The following FASTKD1 variants were observed in gnomAD, a reference collection of about 807,000 sequenced individuals.
The protein encoded by FASTKD1 is FAST kinase domains 1.
FASTKD1 carries 94 observed loss-of-function variants against 90.9 expected under a neutral mutation model. The ratio of observed to expected loss-of-function variants is 1.03; its 90% confidence interval spans 0.88 to 1.23. The LOEUF is 1.23. Among genes scored for constraint, FASTKD1 ranks in the 50% most tolerant of loss-of-function variants. The pLI is 0.00. For missense variants in FASTKD1, 945 were observed against 993.5 expected (o/e 0.95, Z 0.66); for synonymous variants, 319 against 345.8 (o/e 0.92, Z 0.86).
At chr2:169,537,377 T>G (rs749623928) in intron 11 of FASTKD1, 37 bp from the exon 12 acceptor site, 25 of 1,357,324 alleles carry the variant, frequency 1.8e-5, no homozygotes, top group Non-Finnish European at 2.2e-5. Flanking sequence ...TACTTAATCT[T>G]TTTTTTCTTT....
At chr2:169,543,627 T>A (rs1262427500) in intron 9 of FASTKD1, among the ~76,000 whole-genome samples, 1 of 152,140 alleles carries the variant, frequency 6.6e-6, no homozygotes, top group Non-Finnish European at 1.5e-5. Context: ...AGCTGACAAC[T>A]GGAAGGTTCA....
chr2:169,540,305 T>C, intron 9 of FASTKD1, 126 bp from the exon 10 acceptor site: 1 of 953,948 alleles, frequency 1.0e-6, no homozygotes. Context: ...TAATCTACAC[T>C]GTTACAAGAC....
At chr2:169,556,109 T>C (rs1683293872) in intron 6 of FASTKD1, among the ~76,000 whole-genome samples, 1 of 152,148 alleles carries the variant, frequency 6.6e-6, no homozygotes, top group Non-Finnish European at 1.5e-5. Flanking sequence ...AAGGTTATGA[T>C]GCTCTGCTTG....
chr2:169,533,273 T>C (rs980462246), intron 12 of FASTKD1, among the ~76,000 whole-genome samples: 5 of 152,242 alleles, frequency 3.3e-5, no homozygotes, highest in African/African-American at 1.2e-4. Flanking sequence ...CATTCTTATC[T>C]TTTAAATATA....
chr2:169,558,253 C>T (rs1008611366), intron 5 of FASTKD1, among the ~76,000 whole-genome samples: 1 of 152,036 alleles, frequency 6.6e-6, no homozygotes, highest in Non-Finnish European at 1.5e-5. Context: ...AAAGTTTGTT[C>T]GTGTGTGTGT....
At chr2:169,537,987 C>T in intron 11 of FASTKD1, 26 bp downstream of exon 11, 1 of 1,574,490 alleles carries the variant, frequency 6.4e-7, no homozygotes, top group Non-Finnish European at 8.6e-7. Context: ...TCAAACTTTG[C>T]TATCTGACTA....
intron 6 of FASTKD1, among the ~76,000 whole-genome samples, chr2:169,555,728 C>T (rs1270133824): frequency 6.6e-6 from 1 of 152,114 alleles, no homozygotes; most frequent in Non-Finnish European, 1.5e-5. Flanking sequence ...AATAAAGGAA[C>T]ATATAATAGG....
At chr2:169,570,414 T>C (rs1023331802) in intron 2 of FASTKD1, among the ~76,000 whole-genome samples, 59 of 152,174 alleles carry the variant, frequency 3.9e-4, no homozygotes, top group African/African-American at 1.4e-3. Context: ...CTCTGAGTTT[T>C]TCCACTGACA....
intron 7 of FASTKD1, among the ~76,000 whole-genome samples, chr2:169,547,756 G>A (rs1411987502): frequency 6.6e-6 from 1 of 151,512 alleles, no homozygotes; most frequent in East Asian, 1.9e-4. Flanking sequence ...ATGGTGATGT[G>A]CACCTGTAAT....
chr2:169,563,032 A>T (rs1316469009), intron 4 of FASTKD1, among the ~76,000 whole-genome samples, 193 bp downstream of exon 4: 2 of 152,196 alleles, frequency 1.3e-5, no homozygotes, highest in Non-Finnish European at 1.5e-5. Context: ...CACTTTATGT[A>T]CCTTATGTCT....
intron 9 of FASTKD1, among the ~76,000 whole-genome samples, chr2:169,543,558 G>A (rs1030738304): frequency 2.6e-5 from 4 of 152,142 alleles, no homozygotes; most frequent in African/African-American, 4.8e-5. Context: ...TTTGGTACTG[G>A]TAATGATACC....
chr2:169,530,503 T>C, intron 14 of FASTKD1, 84 bp downstream of exon 14: 3 of 743,032 alleles, frequency 4.0e-6, no homozygotes, highest in South Asian at 2.0e-5. Context: ...AAGGTAATTC[T>C]GGAACTTTCA....
intron 4 of FASTKD1, 99 bp downstream of exon 4, chr2:169,563,126 C>A (rs1260409735): frequency 1.7e-6 from 2 of 1,189,472 alleles, no homozygotes; most frequent in Non-Finnish European, 2.4e-6. Flanking sequence ...GCTTAAGTAA[C>A]CTTAAGTCAC....
At chr2:169,558,698 G>A (rs944630258) in intron 5 of FASTKD1, among the ~76,000 whole-genome samples, 3 of 151,926 alleles carry the variant, frequency 2.0e-5, no homozygotes, top group Admixed American at 6.6e-5. Context: ...TGATCCAACC[G>A]CCTCAGCCTC....
chr2:169,563,289 T>A lies in FASTKD1; in HGVS notation c.508A>T (p.Ser170Cys). ...SCLADQHLYF[S>C]PLMGKIADIV... ...TCAGCTATTTTTCCCATTAATGGAC[T>A]AAAATACAAATGCTGATCTGCTAGG... Residue 170 changes from serine (S) to cysteine (C), a missense_variant, in exon 4 of 15, where the codon AGT (serine) becomes TGT (cysteine). By Grantham distance (112) the Ser-to-Cys change is moderately radical. Transcript: ENST00000453153. The A allele has an allele frequency of 1.9e-6, 3 of 1,611,772 alleles. No homozygotes were observed. The highest frequency in any genetic ancestry group is 2.7e-5 in the African/African-American group (2 of 74,986).
intron 2 of FASTKD1, among the ~76,000 whole-genome samples, chr2:169,570,634 A>G (rs1352194790): frequency 1.3e-5 from 2 of 151,910 alleles, no homozygotes; most frequent in Admixed American, 1.3e-4. Context: ...ACAAGTTATC[A>G]CAGACAAAAT....
chr2:169,545,297 A>G (rs1176692281), intron 8 of FASTKD1, among the ~76,000 whole-genome samples: 3 of 152,246 alleles, frequency 2.0e-5, no homozygotes, highest in African/African-American at 7.2e-5. Context: ...CAGTATCAGC[A>G]ATTTCCATGA....
Position 169,572,185 on chromosome 2 carries a change from G to A in FASTKD1, c.-142-14C>T. 5 of 720,348 alleles carry A rather than the reference G, an allele frequency of 6.9e-6. No homozygotes were observed. Among genetic ancestry groups the A allele is most frequent in the Non-Finnish European group, 8.3e-6 (4 of 484,490 alleles). The allele number at this position is 720,348 out of a possible 1,614,324, so 44.6% of individuals were successfully genotyped here. On this transcript the variant is annotated splice_polypyrimidine_tract_variant and intron_variant, in intron 1 of 14. Coordinates refer to ENST00000453153, the MANE Select transcript of FASTKD1 (RefSeq NM_024622.6). The stretch of plus-strand genomic sequence containing the variant: ...AATGTACAGCTTCTATAAAAGAATT[G>A]GTTTAACATGGTTATGCTTACATCA...
Position 169,540,090 on chromosome 2 carries a change from T to G in FASTKD1, c.1906A>C (p.Asn636His). Residue 636 changes from asparagine (N) to histidine (H), a missense_variant, in exon 10 of 15, where the codon AAC becomes CAC. Physicochemically the swap from Asn to His is moderately conservative, Grantham distance 68 (BLOSUM62 1). Coordinates refer to ENST00000453153, the MANE Select transcript of FASTKD1 (RefSeq NM_024622.6). ...FPEDLLKAIF[N>H]IKFLARLDSQ... ...TCCAATCTAGCTAAGAATTTGATGTTAAAAATTGCCTTTAGCAGATCTTCT... is the reference window on the plus strand; with the variant it reads ...TCCAATCTAGCTAAGAATTTGATGTGAAAAATTGCCTTTAGCAGATCTTCT... 1 of 1,606,910 alleles carries G rather than the reference T, an allele frequency of 6.2e-7. No homozygotes were observed. Among genetic ancestry groups the G allele is most frequent in the Non-Finnish European group, 8.5e-7 (1 of 1,176,774 alleles).
Sources: allele counts gnomAD v4.1 joint callset (sites outside exome capture counted in the v4.1 genomes callset), GRCh38; gene constraint gnomAD v4.1.1; transcripts MANE v1.5; gene names NCBI Gene and HGNC (gene_info 2026-07-23, HGNC 2026-07-21).